DDX60: variants seen among roughly 807,000 people sequenced by gnomAD.
DDX60 encodes the protein DExD/H-box helicase 60.
Under a neutral mutation model 212.8 loss-of-function variants are expected in DDX60, and 165 were observed. That is an observed-to-expected ratio of 0.78 (90% CI 0.68 to 0.88). DDX60 has a LOEUF of 0.88. Among genes scored for constraint, DDX60 ranks in the 40% least tolerant of loss-of-function variants. The pLI, the probability that DDX60 is intolerant of heterozygous loss-of-function variation, is 0.00. For missense variants in DDX60, 1,905 were observed against 2,003.9 expected, an observed-to-expected ratio of 0.95 and a Z score of 0.94; for synonymous variants, 703 against 685.3, an observed-to-expected ratio of 1.03 and a Z score of -0.40.
intron 25 of DDX60, among the ~76,000 whole-genome samples, chr4:168,257,473 C>T (rs1479398945): frequency 6.6e-6 from 1 of 152,152 alleles, no homozygotes; most frequent in Non-Finnish European, 1.5e-5. Flanking sequence ...CCCAAGAGCC[C>T]ACAGTTTATA....
At chr4:168,262,230 A>G (rs2149512130) in intron 23 of DDX60, 102 bp from the exon 24 acceptor site, 1 of 1,314,722 alleles carries the variant, frequency 7.6e-7, no homozygotes, top group Non-Finnish European at 1.0e-6. Context: ...TTTCTTGAGC[A>G]CAGAGATGGT....
At chr4:168,302,780 T>A (rs142269654) in intron 5 of DDX60, among the ~76,000 whole-genome samples, 1 of 152,240 alleles carries the variant, frequency 6.6e-6, no homozygotes, top group East Asian at 1.9e-4. Flanking sequence ...AACACCGTCA[T>A]CCCCATTTAA....
upstream of DDX60, among the ~76,000 whole-genome samples, chr4:168,322,429 A>G (rs542683199): frequency 2.6e-5 from 4 of 152,276 alleles, no homozygotes; most frequent in East Asian, 5.8e-4. Context: ...CAAAGGCTAG[A>G]GCAAGCCTCA....
intron 33 of DDX60, among the ~76,000 whole-genome samples, chr4:168,233,116 C>A (rs766626364): frequency 2.6e-5 from 4 of 151,990 alleles, no homozygotes; most frequent in Non-Finnish European, 5.9e-5. Context: ...AAATGCTTAA[C>A]ATTACTAATT....
chr4:168,315,263 C>A (rs1737313938), intron 1 of DDX60, among the ~76,000 whole-genome samples: 1 of 152,052 alleles, frequency 6.6e-6, no homozygotes, highest in Non-Finnish European at 1.5e-5. Flanking sequence ...AAGCAACATT[C>A]CTGGATGTTT....
intron 16 of DDX60, 126 bp downstream of exon 16, chr4:168,275,219 C>CA (rs1479076092): frequency 1.1e-6 from 1 of 936,606 alleles, no homozygotes; most frequent in Non-Finnish European, 1.5e-6. Context: ...TTGACATTTT[C>CA]AATAACAAAG....
chr4:168,324,549 T>G, the DDX60 span, among the ~76,000 whole-genome samples: 1 of 152,154 alleles, frequency 6.6e-6, no homozygotes, highest in African/African-American at 2.4e-5. Flanking sequence ...TCAGCGAGAT[T>G]AAGTAAAATT....
intron 23 of DDX60, among the ~76,000 whole-genome samples, chr4:168,262,332 G>T (rs1734655474): frequency 6.6e-6 from 1 of 151,900 alleles, no homozygotes; most frequent in Non-Finnish European, 1.5e-5. Flanking sequence ...AAACAAAGTA[G>T]AAGATGAAAA....
At chr4:168,300,638 T>C (rs1163519955) in intron 6 of DDX60, among the ~76,000 whole-genome samples, 2 of 151,398 alleles carry the variant, frequency 1.3e-5, no homozygotes, top group Non-Finnish European at 2.9e-5. Flanking sequence ...ACCTTTCACA[T>C]ACCTTTCAAA....
chr4:168,224,512 T>C, intron 34 of DDX60, 127 bp from the exon 35 acceptor site: 2 of 852,598 alleles, frequency 2.3e-6, no homozygotes, highest in South Asian at 3.5e-5. Flanking sequence ...CTGAAATGTT[T>C]CGTAAGTTAT....
rs563130324 is a variant in DDX60 at position 168,278,135 on chromosome 4, T to A, written c.1979-1954A>T. Among the ~76,000 whole-genome samples the A allele has an allele frequency of 7.9e-5, 12 of 152,304 alleles. 1 individual carries two copies. Among genetic ancestry groups the A allele is most frequent in the African/African-American group, 2.9e-4 (12 of 41,570 alleles). ...ATTCAGATATGCCAAAAAGAAGCCA[T>A]AAAGTGCTTTCTTTAAGTGAAAACA... On this transcript the variant is annotated intron_variant, in intron 14 of 37. Coordinates refer to ENST00000393743, the MANE Select transcript of DDX60 (RefSeq NM_017631.6).
chr4:168,247,009 A>G (rs543794708), intron 29 of DDX60, among the ~76,000 whole-genome samples: 19 of 152,208 alleles, frequency 1.2e-4, no homozygotes, highest in African/African-American at 4.6e-4. Flanking sequence ...TCCCTTTTCT[A>G]CCCTCTCTCA....
chr4:168,314,279 T>A (rs1487744918), intron 1 of DDX60, among the ~76,000 whole-genome samples: 2 of 151,840 alleles, frequency 1.3e-5, no homozygotes, highest in Non-Finnish European at 2.9e-5. Flanking sequence ...GGGAGAGACA[T>A]GCTAGAGATC....
At chr4:168,279,600 A>C (rs1422909918) in intron 14 of DDX60, among the ~76,000 whole-genome samples, 1 of 152,254 alleles carries the variant, frequency 6.6e-6, no homozygotes. Context: ...TATGGAGTAA[A>C]GTCCTGAGTG....
Position 168,255,798 on chromosome 4 carries a change from T to G in DDX60, c.3470A>C (p.Lys1157Thr). ...TTCTTTATCAGCTTTGGGAGGCCTT[T>G]TTGTCTCCTGCTTTTTCTTTAGGAA... ...STFLKKKQET[K>T]RPPKADKEAH... Residue 1157 changes from lysine to threonine, a missense_variant, in exon 26 of 38, where the codon AAA becomes ACA. Lys to Thr is a moderately conservative substitution (Grantham distance 78, BLOSUM62 -1). Coordinates refer to ENST00000393743, the MANE Select transcript of DDX60 (RefSeq NM_017631.6). The G allele has an allele frequency of 1.9e-6, 3 of 1,609,628 alleles. No individual in the cohort carries two copies. Among genetic ancestry groups the G allele is most frequent in the Non-Finnish European group, 2.5e-6 (3 of 1,178,918 alleles).
intron 36 of DDX60, among the ~76,000 whole-genome samples, 156 bp downstream of exon 36, chr4:168,221,574 C>T (rs1388637413): frequency 6.6e-6 from 1 of 151,718 alleles, no homozygotes; most frequent in Non-Finnish European, 1.5e-5. Context: ...TTCTCTCTTG[C>T]CATTAGTCTC....
chr4:168,303,897 G>A (rs946296599), intron 5 of DDX60, among the ~76,000 whole-genome samples: 4 of 152,014 alleles, frequency 2.6e-5, no homozygotes, highest in African/African-American at 9.7e-5. Flanking sequence ...CAGGAGAATC[G>A]CTCAAACCCA....
At chr4:168,286,497 C>T (rs1180419212) in intron 10 of DDX60, among the ~76,000 whole-genome samples, 1 of 150,304 alleles carries the variant, frequency 6.7e-6, no homozygotes, top group African/African-American at 2.5e-5. Context: ...AAATGAATGA[C>T]TTTTTATTCT....
intron 37 of DDX60, 69 bp from the exon 38 acceptor site, chr4:168,217,101 G>A: frequency 2.0e-6 from 2 of 1,004,684 alleles, no homozygotes; most frequent in Non-Finnish European, 3.0e-6. Flanking sequence ...GGCTTTCCTT[G>A]GTTAGGCAGA....
Sources: gnomAD v4.1 joint callset for allele counts (sites outside exome capture counted in the v4.1 genomes callset) on GRCh38, gnomAD v4.1.1 for gene constraint, MANE v1.5 for transcripts, NCBI Gene and HGNC (gene_info 2026-07-23, HGNC 2026-07-21) for gene names.